HS3ST2: variants seen among roughly 807,000 people sequenced by gnomAD.
HS3ST2 encodes the protein heparan sulfate glucosamine 3-O-sulfotransferase 2.
Under a neutral mutation model 26.3 loss-of-function variants are expected in HS3ST2, and 17 were observed. The observed-to-expected ratio is 0.65, with a 90% CI of 0.44 to 0.97. The LOEUF is 0.97. Among genes scored for constraint, HS3ST2 ranks in the 50% least tolerant of loss-of-function variants. HS3ST2 has a pLI of 0.00. For synonymous variants in HS3ST2, 237 were observed against 219.2 expected, an observed-to-expected ratio of 1.08 and a Z score of -0.72; for missense variants, 402 against 501.2, an observed-to-expected ratio of 0.80 and a Z score of 1.89.
intron 1 of HS3ST2, among the ~76,000 whole-genome samples, chr16:22,851,751 T>C (rs566980105): frequency 2.6e-4 from 40 of 152,262 alleles, no homozygotes; most frequent in Middle Eastern, 3.4e-3. Context: ...GCTGTGGTAG[T>C]TTAGATTATT....
intron 1 of HS3ST2, among the ~76,000 whole-genome samples, chr16:22,840,355 T>A: frequency 6.6e-6 from 1 of 152,160 alleles, no homozygotes; most frequent in East Asian, 1.9e-4. Flanking sequence ...CCTTTGCAAT[T>A]TACCAGCAGG....
At chr16:22,818,029 G>A (rs181121008) in intron 1 of HS3ST2, among the ~76,000 whole-genome samples, 12 of 152,228 alleles carry the variant, frequency 7.9e-5, no homozygotes, top group African/African-American at 2.4e-4. Context: ...AACCACTCCC[G>A]TTCAGGCCAC....
At chr16:22,855,047 T>C (rs773465118) in intron 1 of HS3ST2, among the ~76,000 whole-genome samples, 14 of 152,206 alleles carry the variant, frequency 9.2e-5, no homozygotes, top group Admixed American at 8.5e-4. Context: ...GAGTCTGCAC[T>C]GAAAAAGAAA....
intron 1 of HS3ST2, among the ~76,000 whole-genome samples, chr16:22,865,886 C>T (rs1901743076): frequency 6.6e-6 from 1 of 152,004 alleles, no homozygotes; most frequent in Admixed American, 6.6e-5. Flanking sequence ...ATTAGCATGC[C>T]TCATAATATA....
intron 1 of HS3ST2, among the ~76,000 whole-genome samples, chr16:22,838,548 C>G (rs565748513): frequency 3.2e-4 from 49 of 152,096 alleles, no homozygotes; most frequent in Non-Finnish European, 6.5e-4. Context: ...TAGTTTGGAC[C>G]AGAATCCTGG....
chr16:22,816,569 TG>T (rs1900873019), intron 1 of HS3ST2, among the ~76,000 whole-genome samples: 1 of 152,150 alleles, frequency 6.6e-6, no homozygotes, highest in Non-Finnish European at 1.5e-5. Flanking sequence ...AGCCTGTGGG[TG>T]GCCCCAGCAC....
At chr16:22,845,354 A>ATTT (rs5816193) in intron 1 of HS3ST2, among the ~76,000 whole-genome samples, 11 of 129,620 alleles carry the variant, frequency 8.5e-5, no homozygotes, top group Admixed American at 2.2e-4. Flanking sequence ...TTTATTTGTG[A>ATTT]TTTTTTTTTT....
At chr16:22,897,165 G>C (rs1902222333) in intron 1 of HS3ST2, among the ~76,000 whole-genome samples, 1 of 152,026 alleles carries the variant, frequency 6.6e-6, no homozygotes, top group Non-Finnish European at 1.5e-5. Flanking sequence ...ATGTCCCCCA[G>C]GTTTTCTCTG....
intron 1 of HS3ST2, among the ~76,000 whole-genome samples, chr16:22,832,334 A>G (rs1901183321): frequency 1.3e-5 from 2 of 151,964 alleles, no homozygotes; most frequent in South Asian, 4.2e-4. Flanking sequence ...TATTCAAGAA[A>G]CATCCCTGAT....
chr16:22,855,365 T>C (rs917611446), intron 1 of HS3ST2, among the ~76,000 whole-genome samples: 29 of 152,238 alleles, frequency 1.9e-4, no homozygotes, highest in Non-Finnish European at 3.7e-4. Flanking sequence ...CCACAGATAA[T>C]CCCAGCCCTG....
intron 1 of HS3ST2, among the ~76,000 whole-genome samples, chr16:22,827,255 G>T (rs1023997491): frequency 6.6e-6 from 1 of 152,208 alleles, no homozygotes; most frequent in African/African-American, 2.4e-5. Context: ...AGTGCACAAG[G>T]GATGGGAAAT....
In HS3ST2 at chr16:22,831,511, G is replaced by A. The variant is rs1345393670; in HGVS notation, c.485+16416G>A. Among the ~76,000 whole-genome samples, 4 of 152,002 alleles carry A rather than the reference G, an allele frequency of 2.6e-5. No homozygotes were observed. In the South Asian group the frequency reaches 6.2e-4, roughly 24 times the overall value. On this transcript the variant is annotated intron_variant, in intron 1 of 1. Transcript: ENST00000261374. Reference sequence around the variant, plus strand: ...ATTTTTAGGTCTCCTTCCCTGGATCGGTTTTACATAATTTGTATCTGGATT... The same window carrying A: ...ATTTTTAGGTCTCCTTCCCTGGATCAGTTTTACATAATTTGTATCTGGATT...
chr16:22,880,149 T>G (rs1901968069), intron 1 of HS3ST2, among the ~76,000 whole-genome samples: 1 of 152,016 alleles, frequency 6.6e-6, no homozygotes. Context: ...GGGCCGGGAG[T>G]AGCTCATTCC....
intron 1 of HS3ST2, among the ~76,000 whole-genome samples, chr16:22,824,558 A>G (rs387359): frequency 0.17 from 17,720 of 107,388 alleles, 1,322 homozygotes; most frequent in East Asian, 0.29. Flanking sequence ...AAGCAAGCAA[A>G]CAAACAAACA....
At position 22,814,794 on chromosome 16, in the gene HS3ST2, G is replaced by A. The variant is rs76869510; in HGVS notation, c.184G>A (p.Gly62Ser). ...APRCLRGPSA[G>S]GQKLLQKSRP... ...TCGCTGCCTCCGCGGCCCCAGCGCG[G>A]GCGGCCAGAAACTTCTCCAGAAGTC... Residue 62 changes from glycine to serine, a missense_variant, in exon 1 of 2, where the codon GGC becomes AGC. Physicochemically the swap from Gly to Ser is moderately conservative, Grantham distance 56. Coordinates refer to ENST00000261374, the MANE Select transcript of HS3ST2 (RefSeq NM_006043.2). The A allele has an allele frequency of 1.4e-3, 2,215 of 1,592,374 alleles. 41 individuals are homozygous for A. The African/African-American group carries it at 0.026, about 19-fold the overall frequency.
At position 22,915,105 on chromosome 16, in the gene HS3ST2, C is replaced by T. The variant is rs564701428; in HGVS notation, c.647C>T (p.Thr216Met). The change falls in exon 2 of 2, where the codon ACG (threonine) becomes ATG (methionine). Residue 216 changes from threonine (T) to methionine (M), a missense_variant. Coordinates refer to ENST00000261374, the MANE Select transcript of HS3ST2 (RefSeq NM_006043.2). Reference protein sequence around the residue: ...NPVTRAISDYTQTLSKKPDIP... With the variant: ...NPVTRAISDYMQTLSKKPDIP... ...GTGACCCGTGCCATCTCTGATTACACGCAGACACTCTCCAAGAAGCCCGAC... is the reference window on the plus strand; with the variant it reads ...GTGACCCGTGCCATCTCTGATTACATGCAGACACTCTCCAAGAAGCCCGAC... The T allele has an allele frequency of 3.1e-6, 5 of 1,614,114 alleles. No homozygotes were observed. The highest frequency in any genetic ancestry group is 2.2e-5 in the South Asian group (2 of 91,074).
chr16:22,846,271 G>A (rs1328525624), intron 1 of HS3ST2, among the ~76,000 whole-genome samples: 1 of 130,284 alleles, frequency 7.7e-6, no homozygotes, highest in African/African-American at 2.8e-5. Context: ...AGTGAGACTC[G>A]ATTTAAAAAA....
At chr16:22,862,213 A>T (rs954786961) in intron 1 of HS3ST2, among the ~76,000 whole-genome samples, 1 of 151,232 alleles carries the variant, frequency 6.6e-6, no homozygotes, top group African/African-American at 2.4e-5. Flanking sequence ...CTGTTTTAGG[A>T]TCTAAAGGCA....
At chr16:22,842,277 C>T (rs1305568449) in intron 1 of HS3ST2, among the ~76,000 whole-genome samples, 4 of 151,826 alleles carry the variant, frequency 2.6e-5, no homozygotes, top group Non-Finnish European at 4.4e-5. Context: ...TGGTCAAGCT[C>T]GTCTCGAACT....
Sources: gnomAD v4.1 joint callset for allele counts (sites outside exome capture counted in the v4.1 genomes callset) on GRCh38, gnomAD v4.1.1 for gene constraint, MANE v1.5 for transcripts, NCBI Gene and HGNC (gene_info 2026-07-23, HGNC 2026-07-21) for gene names.